KDM3B: variants seen among roughly 807,000 people sequenced by gnomAD.
The protein encoded by KDM3B is lysine demethylase 3B, also known as lysine-specific demethylase 3B.
In KDM3B, 10 loss-of-function variants were observed where a neutral mutation model predicts 170.0. That is an observed-to-expected ratio of 0.06 (90% CI 0.04 to 0.10). The LOEUF (loss-of-function observed/expected upper bound fraction) is 0.10. Ranked by LOEUF, KDM3B falls within the 10% of genes least tolerant of loss-of-function variation. The pLI is 1.00. For missense variants in KDM3B, 1,394 were observed against 2,195.2 expected, an observed-to-expected ratio of 0.64 and a Z score of 7.29; for synonymous variants, 831 against 834.8, an observed-to-expected ratio of 1.00 and a Z score of 0.08.
rs1165416229 is a variant in KDM3B, at chr5:138,421,372, A to G, written c.3972+410A>G. Among the ~76,000 whole-genome samples, 4 of 152,136 alleles carry G rather than the reference A, an allele frequency of 2.6e-5. No individual in the cohort carries two copies. In the East Asian group the frequency reaches 7.7e-4, roughly 29 times the overall value. ...GCTTGCTTCTCCTTAGTTTTCCCCT[A>G]CTGGTTGGTGGCATCTCTGCCCTTG... On this transcript the variant is annotated intron_variant, in intron 15 of 23. Coordinates refer to ENST00000314358, the MANE Select transcript of KDM3B (RefSeq NM_016604.4).
At position 138,391,731 on chromosome 5, in the gene KDM3B, A is replaced by T; in HGVS notation, c.2099A>T (p.Lys700Met). Residue 700 changes from lysine (K) to methionine (M), a missense_variant, in exon 8 of 24, where the codon AAG becomes ATG. Coordinates refer to ENST00000314358, the MANE Select transcript of KDM3B (RefSeq NM_016604.4). The surrounding 1 kb of genome is among the most constrained non-coding windows in gnomAD (Gnocchi z 5.0). ...CTCTTCATTACAACTGACTCCTCCA[A>T]GCTAGTATCTGGTGTTCTGGGCTCA... ...KPLFITTDSS[K>M]LVSGVLGSAL... 1 of 1,614,028 alleles carries T rather than the reference A, an allele frequency of 6.2e-7. No homozygotes were observed. Among genetic ancestry groups the T allele is most frequent in the Non-Finnish European group, 8.5e-7 (1 of 1,180,034 alleles).
chr5:138,418,808 T>C (rs1485050637), intron 13 of KDM3B, 145 bp from the exon 14 acceptor site: 7 of 793,766 alleles, frequency 8.8e-6, no homozygotes, highest in Admixed American at 2.4e-5. Context: ...TCAATAAATA[T>C]ATGTTGAATT....
intron 8 of KDM3B, 64 bp downstream of exon 8, chr5:138,392,325 C>T: frequency 1.4e-6 from 2 of 1,415,740 alleles, no homozygotes; most frequent in Non-Finnish European, 1.9e-6. Context: ...CTGTCGTGTT[C>T]TTGTGCAGCA....
intron 19 of KDM3B, among the ~76,000 whole-genome samples, chr5:138,427,690 A>G (rs1763431654): frequency 6.6e-6 from 1 of 152,236 alleles, no homozygotes; most frequent in Non-Finnish European, 1.5e-5. Context: ...GTGAAAGCTC[A>G]GCTTTATCTG....
chr5:138,377,571 A>T (rs982412258), intron 3 of KDM3B, 149 bp from the exon 4 acceptor site: 21 of 545,754 alleles, frequency 3.8e-5, no homozygotes, highest in African/African-American at 1.9e-4. Flanking sequence ...TACAGGCATG[A>T]TCACCACGCC....
intron 11 of KDM3B, among the ~76,000 whole-genome samples, chr5:138,401,606 T>TA (rs1287767729): frequency 6.6e-6 from 1 of 152,232 alleles, no homozygotes; most frequent in Non-Finnish European, 1.5e-5. Context: ...TGTGTGAACG[T>TA]ATGGTTGCAT....
At chr5:138,398,988 A>G (rs1455488677) in intron 10 of KDM3B, among the ~76,000 whole-genome samples, 1 of 145,802 alleles carries the variant, frequency 6.9e-6, no homozygotes, top group Non-Finnish European at 1.5e-5. Context: ...TCCCAGGTTC[A>G]CACCATTCTC....
Position 138,419,184 on chromosome 5 carries a change from C to T in KDM3B, c.3667C>T (p.His1223Tyr). 6.2e-7 allele frequency: 1 copy of T among 1,614,202 alleles called. No individual in the cohort carries two copies. Among genetic ancestry groups the T allele is most frequent in the Non-Finnish European group, 8.5e-7 (1 of 1,180,040 alleles). ...CACGGCCCCACCCTCCTCCGCCCTG[C>T]ACTGGTTGGCAGATTTAGCAACTCA... is the stretch of plus-strand genomic sequence containing the variant. ...PDTAPPSSALHWLADLATQKA... is the reference protein window; with the variant it reads ...PDTAPPSSALYWLADLATQKA... Residue 1223 changes from histidine to tyrosine, a missense_variant, in exon 14 of 24, where the codon CAC becomes TAC. Physicochemically the swap from His to Tyr is moderately conservative, Grantham distance 83. Transcript: ENST00000314358.
chr5:138,389,987 G>A (rs1450504304), intron 7 of KDM3B, among the ~76,000 whole-genome samples: 1 of 151,990 alleles, frequency 6.6e-6, no homozygotes, highest in Non-Finnish European at 1.5e-5. Context: ...AGCCTTCCGA[G>A]TAGCTGGGAC....
At chr5:138,423,586 ACT>A (rs893564111) in intron 15 of KDM3B, among the ~76,000 whole-genome samples, 5 of 152,098 alleles carry the variant, frequency 3.3e-5, no homozygotes, top group African/African-American at 1.2e-4. Flanking sequence ...CCTCTTGGAC[ACT>A]CTGCTACACC....
intron 11 of KDM3B, among the ~76,000 whole-genome samples, chr5:138,401,808 C>T (rs1762700760): frequency 6.6e-6 from 1 of 152,174 alleles, no homozygotes; most frequent in South Asian, 2.1e-4. Flanking sequence ...TTGTTATAGC[C>T]ATCACAGTGG....
At chr5:138,375,016 T>G in intron 2 of KDM3B, 77 bp from the exon 3 acceptor site, 3 of 795,386 alleles carry the variant, frequency 3.8e-6, no homozygotes, top group East Asian at 2.5e-5. Context: ...ATTATTTCTT[T>G]GAAGTTAGAG....
At chr5:138,363,972 A>G (rs1761682011) in intron 1 of KDM3B, among the ~76,000 whole-genome samples, 2 of 147,120 alleles carry the variant, frequency 1.4e-5, no homozygotes, top group Non-Finnish European at 3.0e-5. Context: ...GCTAGAGTGC[A>G]GTGGCACGAT....
At chr5:138,375,248 C>T (rs760347468) in intron 3 of KDM3B, 42 bp downstream of exon 3, 28 of 1,272,504 alleles carry the variant, frequency 2.2e-5, no homozygotes, top group South Asian at 6.1e-5. Flanking sequence ...TTATTTTTTT[C>T]GCTGCTAATT....
intron 11 of KDM3B, among the ~76,000 whole-genome samples, chr5:138,404,456 T>G (rs1176661623): frequency 6.6e-6 from 1 of 151,996 alleles, no homozygotes; most frequent in African/African-American, 2.4e-5. Flanking sequence ...GGTGAAATCC[T>G]GTCTCTACTA....
intron 10 of KDM3B, among the ~76,000 whole-genome samples, chr5:138,398,865 T>C (rs1175758481): frequency 1.3e-5 from 2 of 151,972 alleles, no homozygotes; most frequent in East Asian, 3.9e-4. Flanking sequence ...AAAATTATAC[T>C]GTGAAATTAT....
intron 17 of KDM3B, among the ~76,000 whole-genome samples, chr5:138,426,528 T>C (rs1183266420): frequency 1.4e-5 from 2 of 146,370 alleles, no homozygotes; most frequent in South Asian, 2.1e-4. Context: ...TGAGCCAAGA[T>C]TGGGCCACTG....
chr5:138,371,773 T>TG (rs1193884919), intron 1 of KDM3B, among the ~76,000 whole-genome samples: 1 of 152,140 alleles, frequency 6.6e-6, no homozygotes, highest in East Asian at 1.9e-4. Context: ...AAGACTGGCC[T>TG]GGGTAACACA....
intron 2 of KDM3B, 95 bp from the exon 3 acceptor site, chr5:138,374,997 GA>G: frequency 1.4e-6 from 1 of 739,304 alleles, no homozygotes; most frequent in Non-Finnish European, 2.5e-6. Flanking sequence ...TGGGATGAAA[GA>G]TATAATAATT....
Sources: gnomAD v4.1 joint callset for allele counts (sites outside exome capture counted in the v4.1 genomes callset) on GRCh38, gnomAD v4.1.1 for gene constraint, Gnocchi (gnomAD v3.1) non-coding constraint, MANE v1.5 for transcripts, NCBI Gene and HGNC (gene_info 2026-07-23, HGNC 2026-07-21) for gene names.